Variants in PDE9A observed in about 807,000 individuals in gnomAD.
The protein encoded by PDE9A is phosphodiesterase 9A, also known as high affinity cGMP-specific 3',5'-cyclic phosphodiesterase 9A.
Under a neutral mutation model 87.4 loss-of-function variants are expected in PDE9A, and 60 were observed. That is an observed-to-expected ratio of 0.69 (90% CI 0.56 to 0.85). The LOEUF is 0.85. Ranked by LOEUF, PDE9A falls within the 40% of genes least tolerant of loss-of-function variation. The pLI, the probability that PDE9A is intolerant of heterozygous loss-of-function variation, is 0.00. For missense variants in PDE9A, 665 were observed against 779.0 expected (o/e 0.85, Z 1.74); for synonymous variants, 272 against 279.4 (o/e 0.97, Z 0.27).
chr21:42,703,876 A>C (rs141676763), intron 4 of PDE9A, among the ~76,000 whole-genome samples: 26 of 152,350 alleles, frequency 1.7e-4, no homozygotes, highest in African/African-American at 6.0e-4. Context: ...TAAAGTTTTG[A>C]GTAAAAGAAC....
chr21:42,724,499 G>T, intron 4 of PDE9A: 2 of 576,352 alleles, frequency 3.5e-6, no homozygotes, highest in Non-Finnish European at 4.4e-6. Context: ...TCTGTTTGTG[G>T]ATGCGTGGGT....
intron 1 of PDE9A, among the ~76,000 whole-genome samples, chr21:42,671,130 T>G (rs955076516): frequency 1.3e-5 from 2 of 151,944 alleles, no homozygotes; most frequent in African/African-American, 4.8e-5. Flanking sequence ...GCACGATACC[T>G]GAGAGGAGCT....
At chr21:42,756,538 T>C (rs1275562876) in intron 10 of PDE9A, among the ~76,000 whole-genome samples, 1 of 152,046 alleles carries the variant, frequency 6.6e-6, no homozygotes, top group Non-Finnish European at 1.5e-5. Context: ...TCCTCCCATG[T>C]GTTAGGGCCT....
In PDE9A at chr21:42,760,571, C is replaced by T. The variant is rs2055615830; in HGVS notation, c.1002+139C>T. 5 of 637,584 alleles carry T rather than the reference C, an allele frequency of 7.8e-6. No homozygotes were observed. Among genetic ancestry groups the T allele is most frequent in the Middle Eastern group, 3.3e-4 (1 of 3,032 alleles). The allele number at this position is 637,584 out of a possible 1,614,324, so 39.5% of individuals were successfully genotyped here. On this transcript the variant is annotated intron_variant, in intron 12 of 19. Coordinates refer to ENST00000291539, the MANE Select transcript of PDE9A (RefSeq NM_002606.3). The surrounding 1 kb of genome is among the most constrained non-coding windows in gnomAD (Gnocchi z 5.2). ...AGCCGCTCCGCCCCTCCTAGGGACG[C>T]ACCCCTGCCCACCGTTGTCAGTCAC...
chr21:42,687,744 G>A (rs943970051), intron 2 of PDE9A, among the ~76,000 whole-genome samples, 173 bp from the exon 3 acceptor site: 6 of 152,184 alleles, frequency 3.9e-5, no homozygotes, highest in South Asian at 2.1e-4. Context: ...ATTTACAATC[G>A]GAGTCTCAAT....
chr21:42,765,896 C>A (rs1036136400), intron 15 of PDE9A, among the ~76,000 whole-genome samples: 1 of 152,196 alleles, frequency 6.6e-6, no homozygotes, highest in African/African-American at 2.4e-5. Flanking sequence ...CAGCATCCCC[C>A]ACCAGGCCCA....
chr21:42,749,095 A>C (rs1180280592), intron 8 of PDE9A, among the ~76,000 whole-genome samples: 3 of 152,198 alleles, frequency 2.0e-5, no homozygotes, highest in Non-Finnish European at 2.9e-5. Context: ...ACCACGGTGA[A>C]TATCTGTGTG....
intron 10 of PDE9A, among the ~76,000 whole-genome samples, chr21:42,754,296 G>T (rs777137975): frequency 7.0e-4 from 106 of 152,306 alleles, no homozygotes; most frequent in Non-Finnish European, 1.4e-3. Context: ...TGGGGGAGAC[G>T]GCTGTCAGGG....
At chr21:42,735,995 C>T (rs1014669775) in intron 7 of PDE9A, among the ~76,000 whole-genome samples, 1 of 152,096 alleles carries the variant, frequency 6.6e-6, no homozygotes, top group Non-Finnish European at 1.5e-5. Flanking sequence ...GCAGAGTCCC[C>T]ACCCCTCTTT....
chr21:42,757,719 C>T (rs567544838), intron 10 of PDE9A: 1 of 152,094 alleles, frequency 6.6e-6, no homozygotes, highest in African/African-American at 2.4e-5. Context: ...TTCTTCCTGG[C>T]CAGCAAGATG....
intron 3 of PDE9A, among the ~76,000 whole-genome samples, chr21:42,690,304 G>A (rs1050287603): frequency 1.2e-4 from 19 of 152,280 alleles, no homozygotes; most frequent in African/African-American, 4.3e-4. Context: ...ACGCGGATGA[G>A]GATATAGATA....
At chr21:42,730,665 C>T (rs2051636571) in intron 4 of PDE9A, among the ~76,000 whole-genome samples, 1 of 152,136 alleles carries the variant, frequency 6.6e-6, no homozygotes, top group South Asian at 2.1e-4. Flanking sequence ...TAACAACAGA[C>T]ATGAACATTT....
chr21:42,661,876 G>T (rs929885802), intron 1 of PDE9A, among the ~76,000 whole-genome samples: 2 of 152,204 alleles, frequency 1.3e-5, no homozygotes, highest in Non-Finnish European at 2.9e-5. Context: ...GGAAGGGTAG[G>T]GGGCTGCCCA....
chr21:42,661,768 G>A (rs931064962), intron 1 of PDE9A, among the ~76,000 whole-genome samples: 1 of 152,200 alleles, frequency 6.6e-6, no homozygotes, highest in African/African-American at 2.4e-5. Flanking sequence ...GTGAGTTCCC[G>A]AAGGCCTCTC....
chr21:42,768,974 T>G, intron 16 of PDE9A, 53 bp from the exon 17 acceptor site: 1 of 1,546,712 alleles, frequency 6.5e-7, no homozygotes, highest in Admixed American at 1.9e-5. Flanking sequence ...AACAGCGATC[T>G]GGTTATGGGG....
chr21:42,732,642 C>T (rs182054552), intron 6 of PDE9A, among the ~76,000 whole-genome samples: 55 of 152,250 alleles, frequency 3.6e-4, no homozygotes, highest in Non-Finnish European at 2.8e-4. Flanking sequence ...TGGCCGGGTG[C>T]GGTGGCTCAC....
At position 42,772,853 on chromosome 21, in the gene PDE9A, T is replaced by C. The variant is rs367654518; in HGVS notation, c.1768+333T>C. ...TTCACCATGTTGGCCAGGCTGGTCT[T>C]GAACTCCTGACCTCAGGTGATCCAC... On this transcript the variant is annotated intron_variant, in intron 19 of 19. Transcript: ENST00000291539. 5.6e-3 allele frequency among the ~76,000 whole-genome samples: 851 copies of C among 151,622 alleles called. 5 individuals carry two copies. The highest frequency in any genetic ancestry group is 0.02 in the African/African-American group (808 of 41,412).
Position 42,758,997 on chromosome 21 carries a change from A to G in PDE9A, c.811-2A>G. ...GTGCCTATCCTTCTCCTGTGCCCAC[A>G]GATGCTGAGCTGCCTGGAGCACATG... is the stretch of plus-strand genomic sequence containing the variant. On this transcript the variant is annotated splice_acceptor_variant, in intron 10 of 19. Coordinates refer to ENST00000291539, the MANE Select transcript of PDE9A (RefSeq NM_002606.3). LOFTEE classifies it high-confidence loss of function. 36 of 1,612,650 alleles carry G rather than the reference A, an allele frequency of 2.2e-5. No individual in the cohort carries two copies. The highest frequency in any genetic ancestry group is 3.1e-5 in the Non-Finnish European group (36 of 1,178,662).
In PDE9A at chr21:42,756,407, C is replaced by T. The variant is rs142935062; in HGVS notation, c.810+2343C>T. On this transcript the variant is annotated intron_variant, in intron 10 of 19. Transcript: ENST00000291539. Reference sequence around the variant, plus strand: ...ACCTGGCACTCAGAGAACGTCAGGGCGCCTAAAAGTGATCACCTCCCTCCC... The same window carrying T: ...ACCTGGCACTCAGAGAACGTCAGGGTGCCTAAAAGTGATCACCTCCCTCCC... Among the ~76,000 whole-genome samples, 682 of 152,308 alleles carry T rather than the reference C, an allele frequency of 4.5e-3. 2 individuals carry two copies. Among genetic ancestry groups the T allele is most frequent in the African/African-American group, 0.015 (616 of 41,568 alleles).
Sources: gnomAD v4.1 joint callset for allele counts (sites outside exome capture counted in the v4.1 genomes callset) on GRCh38, gnomAD v4.1.1 for gene constraint, Gnocchi (gnomAD v3.1) non-coding constraint, MANE v1.5 for transcripts, NCBI Gene and HGNC (gene_info 2026-07-23, HGNC 2026-07-21) for gene names.